Variants in CES5A observed in about 807,000 individuals in gnomAD.
CES5A encodes carboxylesterase 5.
A neutral mutation model predicts 62.9 loss-of-function variants in CES5A; 67 were observed. That is an observed-to-expected ratio of 1.07 (90% CI 0.88 to 1.31). The LOEUF is 1.31. Ranked by LOEUF, CES5A falls within the 50% of genes most tolerant of loss-of-function variation. The pLI, the probability that CES5A is intolerant of heterozygous loss-of-function variation, is 0.00. For missense variants in CES5A, 748 were observed against 708.5 expected (o/e 1.06, Z -0.63); for synonymous variants, 296 against 280.8 (o/e 1.05, Z -0.54).
intron 2 of CES5A, chr16:55,944,166 G>A (rs191072586): frequency 2.3e-5 from 16 of 700,004 alleles, no homozygotes; most frequent in Non-Finnish European, 1.6e-5. Flanking sequence ...AAATTGTATT[G>A]TGAAGACTTG....
intron 1 of CES5A, among the ~76,000 whole-genome samples, chr16:55,883,089 C>T (rs2142426099): frequency 6.6e-6 from 1 of 152,296 alleles, no homozygotes; most frequent in South Asian, 2.1e-4. Context: ...GCCTTATTCA[C>T]CTGCTCAAGC....
At chr16:55,920,461 G>T (rs1388033480) in intron 1 of CES5A, among the ~76,000 whole-genome samples, 1 of 152,168 alleles carries the variant, frequency 6.6e-6, no homozygotes, top group Non-Finnish European at 1.5e-5. Context: ...CAGGTCTTCT[G>T]GGAATGAATC....
chr16:55,878,439 T>C (rs896421661), upstream of CES5A, among the ~76,000 whole-genome samples: 1 of 151,952 alleles, frequency 6.6e-6, no homozygotes, highest in Non-Finnish European at 1.5e-5. Flanking sequence ...TTCCATCTCA[T>C]AACCTGTTTC....
intron 2 of CES5A, among the ~76,000 whole-genome samples, chr16:55,936,507 G>A (rs1403935430): frequency 6.6e-6 from 1 of 152,150 alleles, no homozygotes; most frequent in Non-Finnish European, 1.5e-5. Context: ...CTTTTCTGTT[G>A]GACCCAAGCA....
chr16:55,862,697 C>T (rs2033377593), intron 6 of CES5A, among the ~76,000 whole-genome samples: 1 of 152,206 alleles, frequency 6.6e-6, no homozygotes, highest in African/African-American at 2.4e-5. Flanking sequence ...ATGATTTATA[C>T]TCAAGAGATG....
intron 1 of CES5A, among the ~76,000 whole-genome samples, chr16:55,905,509 G>A (rs1436951867): frequency 1.3e-5 from 2 of 152,096 alleles, no homozygotes; most frequent in East Asian, 1.9e-4. Context: ...TGGGATTACA[G>A]GCATGTACCA....
intron 9 of CES5A, among the ~76,000 whole-genome samples, chr16:55,855,361 C>T (rs1409357582): frequency 2.0e-5 from 3 of 152,200 alleles, no homozygotes; most frequent in Non-Finnish European, 2.9e-5. Context: ...ATCTCTATAT[C>T]CTAGTGTCTA....
In CES5A at chr16:55,852,900, G is replaced by T. The variant is rs781331100; in HGVS notation, c.1254C>A (p.Ile418=). 1.4e-5 allele frequency: 22 copies of T among 1,613,652 alleles called. No individual in the cohort carries two copies. Among genetic ancestry groups the T allele is most frequent in the Admixed American group, 8.3e-5 (5 of 59,994 alleles). The change falls in exon 10 of 13, where the codon ATC becomes ATA. Residue 418 remains isoleucine (I), a synonymous_variant. Coordinates refer to ENST00000290567, the MANE Select transcript of CES5A (RefSeq NM_001143685.2). ...GDVFFVVPAL[I]TARYHRDAGA... The stretch of plus-strand genomic sequence containing the variant: ...ACTCACCTCTGTGATATCGAGCTGT[G>T]ATCAGTGCAGGGACCACAAAGAACA...
chr16:55,928,040 G>A (rs190559815), upstream of CES5A, among the ~76,000 whole-genome samples: 3 of 152,190 alleles, frequency 2.0e-5, no homozygotes, highest in African/African-American at 4.8e-5. Flanking sequence ...TCAGGAGATC[G>A]AGACCATCCT....
In CES5A at chr16:55,852,910, G is replaced by A; in HGVS notation, c.1244C>T (p.Pro415Leu). The A allele has an allele frequency of 1.2e-6, 2 of 1,614,070 alleles. No homozygotes were observed. The highest frequency in any genetic ancestry group is 1.7e-6 in the Non-Finnish European group (2 of 1,180,012). ...GTGATATCGAGCTGTGATCAGTGCA[G>A]GGACCACAAAGAACACATCTCCAAG... Reference protein sequence around the residue: ...DLLGDVFFVVPALITARYHRD... With the variant: ...DLLGDVFFVVLALITARYHRD... Residue 415 changes from proline (P) to leucine (L), a missense_variant, in exon 10 of 13, where the codon CCT becomes CTT. Pro to Leu is a moderately conservative substitution (Grantham distance 98). Transcript: ENST00000290567.
At chr16:55,941,374 T>G (rs1297848519) in intron 2 of CES5A, among the ~76,000 whole-genome samples, 3 of 152,010 alleles carry the variant, frequency 2.0e-5, no homozygotes, top group Admixed American at 2.0e-4. Context: ...TTTAAAACAA[T>G]GTCATTCACA....
At chr16:55,929,407 C>A (rs563007395), upstream of CES5A, among the ~76,000 whole-genome samples, 1 of 152,176 alleles carries the variant, frequency 6.6e-6, no homozygotes, top group Admixed American at 6.5e-5. Flanking sequence ...CATGCCTGCC[C>A]GTACATCCCC....
chr16:55,916,050 G>A (rs771535579), intron 1 of CES5A, among the ~76,000 whole-genome samples: 4 of 152,054 alleles, frequency 2.6e-5, no homozygotes, highest in South Asian at 2.1e-4. Context: ...ATCAATCTCC[G>A]AAAACTCAGA....
At chr16:55,885,633 C>T (rs1597134717) in intron 1 of CES5A, among the ~76,000 whole-genome samples, 1 of 152,168 alleles carries the variant, frequency 6.6e-6, no homozygotes, top group East Asian at 1.9e-4. Flanking sequence ...TCTTGAGTCT[C>T]CCAGAAATGG....
chr16:55,857,399 A>G (rs9931027), intron 8 of CES5A, among the ~76,000 whole-genome samples: 50,394 of 152,148 alleles, frequency 0.33, 9,524 homozygotes, highest in African/African-American at 0.52. Context: ...AATGTGAGGC[A>G]GCAGAAACGC....
intron 9 of CES5A, 57 bp downstream of exon 9, chr16:55,856,320 G>A: frequency 6.6e-7 from 1 of 1,523,992 alleles, no homozygotes; most frequent in Non-Finnish European, 9.1e-7. Context: ...GTGTGACCTA[G>A]GGCTATCTGT....
At chr16:55,892,757 A>G (rs1221393931) in intron 1 of CES5A, among the ~76,000 whole-genome samples, 1 of 151,970 alleles carries the variant, frequency 6.6e-6, no homozygotes, top group Non-Finnish European at 1.5e-5. Context: ...TCTAAAAATT[A>G]TATATATATA....
chr16:55,889,766 T>C (rs2033856136), intron 1 of CES5A, among the ~76,000 whole-genome samples: 1 of 152,030 alleles, frequency 6.6e-6, no homozygotes, highest in African/African-American at 2.4e-5. Context: ...TCTAATCACA[T>C]GGTTGGTTCC....
At chr16:55,909,931 C>G (rs544928442) in intron 1 of CES5A, among the ~76,000 whole-genome samples, 1 of 152,286 alleles carries the variant, frequency 6.6e-6, no homozygotes, top group East Asian at 1.9e-4. Flanking sequence ...GTCTGCTGAG[C>G]CTGTTAGACA....
Sources: gnomAD v4.1 joint callset for allele counts (sites outside exome capture counted in the v4.1 genomes callset) on GRCh38, gnomAD v4.1.1 for gene constraint, MANE v1.5 for transcripts, NCBI Gene and HGNC (gene_info 2026-07-23, HGNC 2026-07-21) for gene names.